GRIPAP1: variants seen among roughly 807,000 people sequenced by gnomAD.
The protein encoded by GRIPAP1 is GRIP1 associated protein 1, also known as GRIP1-associated protein 1.
GRIPAP1 carries 14 observed loss-of-function variants against 84.1 expected under a neutral mutation model. That is an observed-to-expected ratio of 0.17 (90% CI 0.11 to 0.26). GRIPAP1 has a LOEUF of 0.26. GRIPAP1 is among the 10% of genes least tolerant of loss of function. The pLI is 1.00. For synonymous variants in GRIPAP1, 261 were observed against 256.8 expected (o/e 1.02, Z -0.15); for missense variants, 518 against 674.2 (o/e 0.77, Z 2.57).
intron 5 of GRIPAP1, among the ~76,000 whole-genome samples, chrX:48,994,231 T>A (rs1420333317): frequency 9.8e-6 from 1 of 101,938 alleles, no homozygotes; most frequent in Non-Finnish European, 2.0e-5. Context: ...TTTTTTTTTT[T>A]TTTTTTTTTT....
At chrX:48,979,253 A>G (rs2064440067) in intron 21 of GRIPAP1, among the ~76,000 whole-genome samples, 2 of 108,878 alleles carry the variant, frequency 1.8e-5, no homozygotes, top group South Asian at 8.0e-4. Flanking sequence ...CGAGGCGGGC[A>G]GATCACGAGG....
chrX:48,986,006 G>A (rs1372469554), intron 13 of GRIPAP1, among the ~76,000 whole-genome samples: 1 of 111,048 alleles, frequency 9.0e-6, no homozygotes, highest in Non-Finnish European at 1.9e-5. Context: ...ACTCTGGGAG[G>A]CCGAGGCGGG....
intron 7 of GRIPAP1, 89 bp from the exon 8 acceptor site, chrX:48,990,821 AG>A (rs2064515657): frequency 9.7e-7 from 1 of 1,029,600 alleles, no homozygotes; most frequent in African/African-American, 1.9e-5. Flanking sequence ...TCACCCCATC[AG>A]CCCACAAGAT....
intron 13 of GRIPAP1, 43 bp from the exon 14 acceptor site, chrX:48,985,445 C>T (rs2064481984): frequency 2.6e-6 from 3 of 1,143,559 alleles, no homozygotes; most frequent in Non-Finnish European, 3.6e-6. Context: ...GAAAGGGACC[C>T]CAGGGGCCAG....
At chrX:48,979,588 C>T (rs1394511772) in intron 21 of GRIPAP1, among the ~76,000 whole-genome samples, 3 of 105,873 alleles carry the variant, frequency 2.8e-5, no homozygotes, top group Non-Finnish European at 3.9e-5. Flanking sequence ...GTATGGTATA[C>T]GATTGTAACG....
chrX:48,975,770 AG>A, intron 24 of GRIPAP1: 3 of 397,853 alleles, frequency 7.5e-6, no homozygotes, highest in Non-Finnish European at 8.7e-6. Flanking sequence ...GCACAGGGAG[AG>A]GAAAGGAGAA....
intron 11 of GRIPAP1, 49 bp from the exon 12 acceptor site, chrX:48,988,247 G>A (rs782545883): frequency 7.8e-6 from 7 of 902,765 alleles, no homozygotes; most frequent in Non-Finnish European, 7.9e-6. Flanking sequence ...CTCCTGGGGT[G>A]CATATAACCG....
At chrX:48,989,802 T>C (rs782133415) in intron 10 of GRIPAP1, 33 bp downstream of exon 10, 24 of 1,186,931 alleles carry the variant, frequency 2.0e-5, no homozygotes, top group Non-Finnish European at 2.3e-6. Context: ...ACTGTCCCAA[T>C]TGTCCACCAA....
chrX:48,978,502 G>C (rs1602467315), intron 21 of GRIPAP1, 67 bp from the exon 22 acceptor site: 3 of 992,004 alleles, frequency 3.0e-6, no homozygotes, highest in East Asian at 6.6e-5. Flanking sequence ...CAACCAGCAG[G>C]AAGAGGCAGA....
In GRIPAP1 at chrX:48,981,683, C is replaced by G. The variant is rs782071779; in HGVS notation, c.1686G>C (p.Glu562Asp). The G allele has an allele frequency of 1.7e-5, 20 of 1,204,756 alleles. No individual in the cohort carries two copies. The highest frequency in any genetic ancestry group is 2.0e-5 in the Non-Finnish European group (18 of 889,894). ...GATCCCGTACATCCTGTAGCTCCTC[C>G]TCCTTGCCCTGCAAAGCAGAAAGCA... ...EQHAAELKGK[E>D]EELQDVRDQL... is the part of the protein sequence containing the mutation. Residue 562 changes from glutamate to aspartate, a missense_variant, in exon 19 of 26, where the codon GAG becomes GAC. By Grantham distance (45) the Glu-to-Asp change is conservative. Coordinates refer to ENST00000376423, the MANE Select transcript of GRIPAP1 (RefSeq NM_020137.5).
At chrX:48,978,618 G>A (rs782789341) in intron 21 of GRIPAP1, among the ~76,000 whole-genome samples, 183 bp from the exon 22 acceptor site, 1 of 111,578 alleles carries the variant, frequency 9.0e-6, no homozygotes, top group Admixed American at 9.5e-5. Context: ...CTGAGGCTGG[G>A]CGCACTGGCT....
At position 48,983,347 on chromosome X, in the gene GRIPAP1, G is replaced by A. The variant is rs782546240; in HGVS notation, c.1366C>T (p.Leu456=). 1.3e-5 allele frequency: 16 copies of A among 1,210,169 alleles called. No homozygotes were observed. In the South Asian group the frequency reaches 2.8e-4, roughly 21 times the overall value. The change falls in exon 16 of 26, where the codon CTA becomes TTA. Residue 456 remains leucine, a synonymous_variant. Transcript: ENST00000376423. ...QHKEELGAVR[L]RHEKEVLGVR... ...CCCAGCACCTCCTTCTCATGCCGTA[G>A]ACGAACTGCTCCCAGCTCTTCCTTG...
intron 5 of GRIPAP1, among the ~76,000 whole-genome samples, chrX:48,996,013 G>A (rs1382211372): frequency 8.9e-6 from 1 of 112,177 alleles, no homozygotes; most frequent in Admixed American, 9.5e-5. Context: ...AGTGATTTAC[G>A]TACATTTATT....
rs781985883 is a variant in GRIPAP1 at position 48,998,899 on chromosome X, T to C, written c.171+339A>G. On this transcript the variant is annotated intron_variant, in intron 3 of 25. Transcript: ENST00000376423. Reference sequence around the variant, plus strand: ...ACTGGACCAGGACAGAGATGGGAAGTAGGAGCACAAGGCAGGAGTGTGAGT... The same window carrying C: ...ACTGGACCAGGACAGAGATGGGAAGCAGGAGCACAAGGCAGGAGTGTGAGT... 7.6e-5 allele frequency: 18 copies of C among 235,359 alleles called. No individual in the cohort carries two copies. In the East Asian group the frequency reaches 1.5e-3, roughly 20 times the overall value. 19.4% of individuals were successfully genotyped at this position (235,359 alleles called of 1,213,427 possible).
At position 48,989,670 on chromosome X, in the gene GRIPAP1, G is replaced by C; in HGVS notation, c.811C>G (p.His271Asp). 4.1e-6 allele frequency: 5 copies of C among 1,207,283 alleles called. No individual in the cohort carries two copies. Among genetic ancestry groups the C allele is most frequent in the Non-Finnish European group, 5.6e-6 (5 of 891,367 alleles). Residue 271 changes from histidine (H) to aspartate (D), a missense_variant, in exon 11 of 26, where the codon CAC (histidine) becomes GAC (aspartate). Coordinates refer to ENST00000376423, the MANE Select transcript of GRIPAP1 (RefSeq NM_020137.5). ...TGGGTTCGAGCCAACTGGGCTTTGT[G>C]ATCAGCTTCCTTCCGTTGTTGTAAT... The part of the protein sequence containing the change: ...EELQQRKEAD[H>D]KAQLARTQKL...
intron 22 of GRIPAP1, 119 bp downstream of exon 22, chrX:48,978,186 G>T: frequency 1.2e-6 from 1 of 800,323 alleles, no homozygotes; most frequent in Non-Finnish European, 1.8e-6. Context: ...AAGTTGACAA[G>T]AAAATATGTG....
At chrX:48,979,862 C>T (rs1230069809) in intron 21 of GRIPAP1, among the ~76,000 whole-genome samples, 1 of 110,966 alleles carries the variant, frequency 9.0e-6, no homozygotes, top group Non-Finnish European at 1.9e-5. Context: ...GATCCACCCA[C>T]CTTGGCCTCC....
intron 6 of GRIPAP1, chrX:48,991,389 C>G (rs1401043471): frequency 1.3e-5 from 4 of 310,334 alleles, no homozygotes; most frequent in Non-Finnish European, 2.2e-5. Flanking sequence ...AAGTGATTCT[C>G]CCACCTCACT....
In GRIPAP1 at chrX:48,993,432, C is replaced by G; in HGVS notation, c.453G>C (p.Val151=). The change falls in exon 6 of 26, where the codon GTG becomes GTC. Residue 151 remains valine, a synonymous_variant. Transcript: ENST00000376423. ...QAENTALQKN[V]AALQERYGKE... ...CCCAGGAGGGCCTCTATGCACCTGCCACGTTCTTCTGCAAGGCTGTGTTTT... is the reference window on the plus strand; with the variant it reads ...CCCAGGAGGGCCTCTATGCACCTGCGACGTTCTTCTGCAAGGCTGTGTTTT... 1.7e-6 allele frequency: 2 copies of G among 1,150,425 alleles called. No individual in the cohort carries two copies. The highest frequency in any genetic ancestry group is 2.3e-6 in the Non-Finnish European group (2 of 864,954). The allele number at this position is 1,150,425 out of a possible 1,213,427, so 94.8% of individuals were successfully genotyped here.
Sources: gnomAD v4.1 joint callset for allele counts (sites outside exome capture counted in the v4.1 genomes callset) on GRCh38, gnomAD v4.1.1 for gene constraint, MANE v1.5 for transcripts, NCBI Gene and HGNC (gene_info 2026-07-23, HGNC 2026-07-21) for gene names.